Variants in MICAL1 observed in about 807,000 individuals in gnomAD.
MICAL1 encodes the protein [F-actin]-monooxygenase MICAL1.
MICAL1 carries 95 observed loss-of-function variants against 131.8 expected under a neutral mutation model. The observed-to-expected ratio is 0.72, with a 90% CI of 0.61 to 0.86. The LOEUF (loss-of-function observed/expected upper bound fraction) is 0.86, where lower values mean the gene tolerates loss of function less well. Among genes scored for constraint, MICAL1 ranks in the 40% least tolerant of loss-of-function variants. The probability of loss-of-function intolerance (pLI) is 0.00; values close to 1 mark genes in which losing one functional copy is unlikely to be tolerated. For synonymous variants in MICAL1, 546 were observed against 554.2 expected, an observed-to-expected ratio of 0.99 and a Z score of 0.21; for missense variants, 1,292 against 1,380.6, an observed-to-expected ratio of 0.94 and a Z score of 1.02.
At chr6:109,447,329 C>G (rs367864118) in intron 16 of MICAL1, 28 bp downstream of exon 16, 301 of 1,613,658 alleles carry the variant, frequency 1.9e-4, no homozygotes, top group Non-Finnish European at 2.5e-4. Flanking sequence ...CCCCGGGCCT[C>G]TGCCTGCACA....
chr6:109,452,112 C>T, intron 6 of MICAL1, 134 bp downstream of exon 6: 2 of 1,451,718 alleles, frequency 1.4e-6, no homozygotes, highest in African/African-American at 1.4e-5. Context: ...CAGGTTCCTT[C>T]TCCTTTGCTG....
upstream of MICAL1, among the ~76,000 whole-genome samples, chr6:109,460,073 C>A (rs560139920): frequency 7.0e-6 from 1 of 143,350 alleles, no homozygotes; most frequent in African/African-American, 2.7e-5. Context: ...ACACTTCACA[C>A]TGAATATAGT....
intron 1 of MICAL1, chr6:109,464,436 C>T (rs149923181): frequency 3.2e-3 from 487 of 152,198 alleles, no homozygotes; most frequent in African/African-American, 0.011. Flanking sequence ...CCCCCTACTC[C>T]CCATCAGCAT....
chr6:109,452,485 CTTCT>C (rs766495141), intron 5 of MICAL1, 22 bp downstream of exon 5: 2 of 1,612,440 alleles, frequency 1.2e-6, no homozygotes, highest in Admixed American at 1.7e-5. Flanking sequence ...GAGATGCTGG[CTTCT>C]TTGAGGGAAG....
At chr6:109,457,138 TC>T (rs1192900062), upstream of MICAL1, among the ~76,000 whole-genome samples, 1 of 152,090 alleles carries the variant, frequency 6.6e-6, no homozygotes, top group East Asian at 1.9e-4. Flanking sequence ...CACTCACTGT[TC>T]CCAGCTCGAG....
chr6:109,449,226 T>C, intron 11 of MICAL1, 174 bp downstream of exon 11: 1 of 752,566 alleles, frequency 1.3e-6, no homozygotes, highest in Non-Finnish European at 2.4e-6. Flanking sequence ...AACTGCTGCC[T>C]GTGCGGTGCT....
chr6:109,458,143 T>G (rs1582659729), upstream of MICAL1, among the ~76,000 whole-genome samples: 1 of 151,974 alleles, frequency 6.6e-6, no homozygotes, highest in East Asian at 1.9e-4. Flanking sequence ...AAAAACTCTA[T>G]TAAAGCTATT....
upstream of MICAL1, among the ~76,000 whole-genome samples, chr6:109,457,939 C>T (rs994627696): frequency 7.9e-5 from 12 of 152,286 alleles, no homozygotes; most frequent in Non-Finnish European, 1.5e-4. Flanking sequence ...CTTTGCTTCA[C>T]GCTAGCCTAG....
chr6:109,449,020 A>C (rs780711413), intron 11 of MICAL1, 141 bp from the exon 12 acceptor site: 2 of 1,081,616 alleles, frequency 1.8e-6, no homozygotes, highest in Non-Finnish European at 2.6e-6. Context: ...CCTAAAGCTG[A>C]CTATCAGCAG....
In MICAL1 at chr6:109,446,697, G is replaced by C. The variant is rs770312041; in HGVS notation, c.2303C>G (p.Pro768Arg). 3.7e-6 allele frequency: 6 copies of C among 1,613,226 alleles called. No individual in the cohort carries two copies. In the Admixed American group the frequency reaches 8.3e-5, roughly 22 times the overall value. The change falls in exon 18 of 25, where the codon CCG becomes CGG. Residue 768 changes from proline to arginine, a missense_variant and splice_region_variant. Physicochemically the swap from Pro to Arg is moderately radical, Grantham distance 103. Coordinates refer to ENST00000358807, the MANE Select transcript of MICAL1 (RefSeq NM_022765.4). Reference protein sequence around the residue: ...AEGSDRGPESPELPTPSENSM... With the variant: ...AEGSDRGPESRELPTPSENSM... ...TACATACACGCCTTCAGTCTTTACCGGACTCTCAGGGCCTCTATCGCTGCC... is the reference window on the plus strand; with the variant it reads ...TACATACACGCCTTCAGTCTTTACCCGACTCTCAGGGCCTCTATCGCTGCC...
chr6:109,460,523 T>TATACACAC (rs1775859139), upstream of MICAL1, among the ~76,000 whole-genome samples: 1 of 147,678 alleles, frequency 6.8e-6, no homozygotes, highest in South Asian at 2.2e-4. Flanking sequence ...TATATATAAA[T>TATACACAC]ACACACACAC....
intron 14 of MICAL1, 68 bp downstream of exon 14, chr6:109,447,807 G>A: frequency 4.3e-6 from 7 of 1,610,296 alleles, no homozygotes; most frequent in Non-Finnish European, 5.9e-6. Flanking sequence ...CATCACCCCA[G>A]GATCTCCACT....
exon 1 of MICAL1, chr6:109,465,921 T>C: frequency 6.2e-7 from 1 of 1,614,184 alleles, no homozygotes; most frequent in South Asian, 1.1e-5. Context: ...ACCAGGCTCC[T>C]GTGTCAGCTG....
Position 109,451,633 on chromosome 6 carries a change from C to T in MICAL1, c.900G>A (p.Lys300=). 6.2e-7 allele frequency: 1 copy of T among 1,614,116 alleles called. No homozygotes were observed. ...DTHYFVMTAK[K]QCLLRLGVLR... ...GCACCCCCAGCCGCAGCAGGCACTG[C>T]TTCTTGGCTGTCATCACAAAGTAGT... is the stretch of plus-strand genomic sequence containing the variant. Residue 300 remains lysine, a synonymous_variant, in exon 7 of 25, where the codon AAG becomes AAA. Coordinates refer to ENST00000358807, the MANE Select transcript of MICAL1 (RefSeq NM_022765.4).
intron 11 of MICAL1, 103 bp downstream of exon 11, chr6:109,449,297 C>CA (rs1422125143): frequency 7.9e-7 from 1 of 1,258,444 alleles, no homozygotes; most frequent in Non-Finnish European, 1.2e-6. Context: ...AGTGCTCCGG[C>CA]ACGCTGCTCC....
Position 109,445,756 on chromosome 6 carries a change from C to T in MICAL1, c.2673+15G>A, listed in dbSNP as rs536160407. 59 of 1,605,150 alleles carry T rather than the reference C, an allele frequency of 3.7e-5. No homozygotes were observed. In the East Asian group the frequency reaches 9.4e-4, roughly 26 times the overall value. ...GGCTGGAGAGCGTTTTGTGGCTGCA[C>T]GCTGGCCCACTCACCTGTTCCACAT... is the stretch of plus-strand genomic sequence containing the variant. On this transcript the variant is annotated intron_variant, in intron 20 of 24. Transcript: ENST00000358807.
At chr6:109,444,365 G>C in intron 24 of MICAL1, 26 bp from the exon 25 acceptor site, 1 of 1,613,102 alleles carries the variant, frequency 6.2e-7, no homozygotes, top group Non-Finnish European at 8.5e-7. Flanking sequence ...AAAGCTTAGA[G>C]AACAGGGAAC....
At chr6:109,462,936 G>T (rs1057267065) in intron 1 of MICAL1, 1 of 152,192 alleles carries the variant, frequency 6.6e-6, no homozygotes, top group Admixed American at 6.5e-5. Context: ...ATTTCTCAAG[G>T]ACACATGAGA....
At position 109,451,643 on chromosome 6, in the gene MICAL1, G is replaced by A; in HGVS notation, c.890C>T (p.Thr297Ile). 5 of 1,614,108 alleles carry A rather than the reference G, an allele frequency of 3.1e-6. No homozygotes were observed. The highest frequency in any genetic ancestry group is 1.1e-5 in the South Asian group (1 of 91,092). Reference protein sequence around the residue: ...YKDDTHYFVMTAKKQCLLRLG... With the variant: ...YKDDTHYFVMIAKKQCLLRLG... The stretch of plus-strand genomic sequence containing the variant: ...CCGCAGCAGGCACTGCTTCTTGGCT[G>A]TCATCACAAAGTAGTGGGTGTCGTC... The change falls in exon 7 of 25, where the codon ACA (threonine) becomes ATA (isoleucine). Residue 297 changes from threonine to isoleucine, a missense_variant. Thr to Ile is a moderately conservative substitution (Grantham distance 89, BLOSUM62 -1). Transcript: ENST00000358807.
Sources: allele counts gnomAD v4.1 joint callset (sites outside exome capture counted in the v4.1 genomes callset), GRCh38; gene constraint gnomAD v4.1.1; transcripts MANE v1.5; gene names NCBI Gene and HGNC (gene_info 2026-07-23, HGNC 2026-07-21).